The following ADTRP variants were observed in gnomAD, a reference collection of about 807,000 sequenced individuals.
The protein encoded by ADTRP is androgen-dependent TFPI-regulating protein.
Under a neutral mutation model 27.0 loss-of-function variants are expected in ADTRP, and 20 were observed. The ratio of observed to expected loss-of-function variants is 0.74; its 90% CI spans 0.52 to 1.08. The LOEUF (loss-of-function observed/expected upper bound fraction) is 1.08. Ranked by LOEUF, ADTRP falls within the 50% of genes least tolerant of loss-of-function variation. ADTRP has a pLI of 0.00. For missense variants in ADTRP, 251 were observed against 275.0 expected (o/e 0.91, Z 0.62); for synonymous variants, 101 against 105.2 (o/e 0.96, Z 0.25).
intron 3 of ADTRP, among the ~76,000 whole-genome samples, chr6:11,739,070 A>G (rs1297335814): frequency 1.3e-5 from 2 of 152,160 alleles, no homozygotes; most frequent in Non-Finnish European, 2.9e-5. Context: ...CAAATTCAGT[A>G]AGAGAAAAAT....
chr6:11,768,191 G>A, intron 2 of ADTRP, 58 bp downstream of exon 2: 1 of 1,587,280 alleles, frequency 6.3e-7, no homozygotes, highest in Non-Finnish European at 8.6e-7. Flanking sequence ...CTGCCCAGGA[G>A]AAGCGTCTGT....
At chr6:11,729,498 C>G (rs1317295445) in intron 4 of ADTRP, among the ~76,000 whole-genome samples, 1 of 152,162 alleles carries the variant, frequency 6.6e-6, no homozygotes, top group East Asian at 1.9e-4. Context: ...CCCCTCCTGT[C>G]CCTGAGAGGA....
At position 11,768,381 on chromosome 6, in the gene ADTRP, G is replaced by A; in HGVS notation, c.156C>T (p.Leu52=). The change falls in exon 2 of 6, where the codon CTC becomes CTT. Residue 52 remains leucine, a splice_region_variant and synonymous_variant. Transcript: ENST00000414691. ...TGACCCCGTAGAAAATGGTCTGCAAGAGCTAAATCCATTACAACAAATGAG... is the reference window on the plus strand; with the variant it reads ...TGACCCCGTAGAAAATGGTCTGCAAAAGCTAAATCCATTACAACAAATGAG... ...RWKYMTLLNL[L]LQTIFYGVTC... is the part of the protein sequence containing the mutation. 1 of 1,614,086 alleles carries A rather than the reference G, an allele frequency of 6.2e-7. No homozygotes were observed. Among genetic ancestry groups the A allele is most frequent in the Non-Finnish European group, 8.5e-7 (1 of 1,179,990 alleles).
chr6:11,720,806 C>T (rs930478079), intron 5 of ADTRP, among the ~76,000 whole-genome samples: 2 of 152,120 alleles, frequency 1.3e-5, no homozygotes, highest in African/African-American at 4.8e-5. Flanking sequence ...TTGTCATCAC[C>T]CTCCTATACT....
At chr6:11,758,219 C>T (rs902113529) in intron 3 of ADTRP, among the ~76,000 whole-genome samples, 3 of 152,106 alleles carry the variant, frequency 2.0e-5, no homozygotes, top group African/African-American at 2.4e-5. Flanking sequence ...TTTATATTTT[C>T]ATGATGGGAA....
chr6:11,774,175 T>C (rs1012874954), intron 1 of ADTRP, among the ~76,000 whole-genome samples: 4 of 151,838 alleles, frequency 2.6e-5, no homozygotes, highest in African/African-American at 9.7e-5. Flanking sequence ...CCAGGCATGG[T>C]GGTGCATGCT....
chr6:11,715,805 G>A (rs1200824409), intron 5 of ADTRP, among the ~76,000 whole-genome samples: 3 of 89,258 alleles, frequency 3.4e-5, no homozygotes, highest in Non-Finnish European at 6.2e-5. Context: ...ACCATGCCCA[G>A]CTTTTTTTTT....
At chr6:11,745,647 A>G (rs1005449635) in intron 3 of ADTRP, among the ~76,000 whole-genome samples, 2 of 152,256 alleles carry the variant, frequency 1.3e-5, no homozygotes, top group African/African-American at 4.8e-5. Flanking sequence ...CTTTTGTGAC[A>G]TTCCCAAGCT....
At chr6:11,717,202 C>T in intron 5 of ADTRP, 11 of 1,122,316 alleles carry the variant, frequency 9.8e-6, no homozygotes, top group South Asian at 6.4e-5. Context: ...AGAAAGTATC[C>T]TAGTTGGCAG....
At chr6:11,715,786 G>A (rs1430982664) in intron 5 of ADTRP, among the ~76,000 whole-genome samples, 2 of 134,910 alleles carry the variant, frequency 1.5e-5, no homozygotes, top group African/African-American at 5.7e-5. Context: ...GGCACTAGAG[G>A]TGCACACCAC....
intron 5 of ADTRP, among the ~76,000 whole-genome samples, chr6:11,721,942 T>C (rs1212912700): frequency 1.3e-5 from 2 of 152,190 alleles, no homozygotes; most frequent in Non-Finnish European, 2.9e-5. Context: ...CTCAATACAA[T>C]TGATTTTAAA....
chr6:11,772,545 A>G (rs1446523270), intron 1 of ADTRP, among the ~76,000 whole-genome samples: 4 of 152,216 alleles, frequency 2.6e-5, no homozygotes, highest in Non-Finnish European at 5.9e-5. Flanking sequence ...AGATTCCACA[A>G]GTTTCCTGAG....
chr6:11,717,259 G>A (rs1171936044), intron 5 of ADTRP: 4 of 1,297,292 alleles, frequency 3.1e-6, no homozygotes, highest in African/African-American at 1.5e-5. Context: ...TTTAACTGCT[G>A]TCAGATAGTA....
chr6:11,739,066 C>A (rs1420116283), intron 3 of ADTRP, among the ~76,000 whole-genome samples: 1 of 151,610 alleles, frequency 6.6e-6, no homozygotes, highest in Non-Finnish European at 1.5e-5. Flanking sequence ...AGAACAAATT[C>A]AGTAAGAGAA....
intron 1 of ADTRP, among the ~76,000 whole-genome samples, chr6:11,775,805 C>T (rs1763937641): frequency 6.6e-6 from 1 of 152,176 alleles, no homozygotes; most frequent in South Asian, 2.1e-4. Flanking sequence ...CAAAAGGGGG[C>T]TTTGCTCTTA....
At position 11,774,669 on chromosome 6, in the gene ADTRP, C is replaced by A. The variant is rs189871182; in HGVS notation, c.153+3938G>T. Among the ~76,000 whole-genome samples, 208 of 152,242 alleles carry A rather than the reference C, an allele frequency of 1.4e-3. 1 individual carries two copies. The highest frequency in any genetic ancestry group is 4.4e-3 in the African/African-American group (184 of 41,538). On this transcript the variant is annotated intron_variant, in intron 1 of 5. Transcript: ENST00000414691. ...GAGGGAGGGGCCCACTCAGAATCTC[C>A]CCTGGAGATCCCAGTTATGTGGCCC...
At chr6:11,769,993 C>T (rs1421956953) in intron 1 of ADTRP, 10 of 1,549,478 alleles carry the variant, frequency 6.5e-6, no homozygotes, top group South Asian at 4.8e-5. Context: ...TCATTAGACT[C>T]CCCCGCCCAC....
chr6:11,771,077 C>G (rs1052150638), intron 1 of ADTRP, among the ~76,000 whole-genome samples: 4 of 152,216 alleles, frequency 2.6e-5, no homozygotes, highest in African/African-American at 9.7e-5. Flanking sequence ...TTTCTCCTGC[C>G]TCTCCCAGTC....
At chr6:11,765,344 T>TTTTTGG (rs1763533620) in intron 3 of ADTRP, among the ~76,000 whole-genome samples, 1 of 137,480 alleles carries the variant, frequency 7.3e-6, no homozygotes, top group Non-Finnish European at 1.6e-5. Context: ...TTTTTTTTTT[T>TTTTTGG]GAGGCAGAGT....
Sources: allele counts gnomAD v4.1 joint callset (sites outside exome capture counted in the v4.1 genomes callset), GRCh38; gene constraint gnomAD v4.1.1; transcripts MANE v1.5; gene names NCBI Gene and HGNC (gene_info 2026-07-23, HGNC 2026-07-21).